Variants in BMP1 observed in about 807,000 individuals in gnomAD.
The protein encoded by BMP1 is mammalian tolloid protein.
In BMP1, 63 loss-of-function variants were observed where a neutral mutation model predicts 116.8. The observed-to-expected ratio is 0.54, with a 90% CI of 0.44 to 0.67. The LOEUF (loss-of-function observed/expected upper bound fraction) is 0.67. BMP1 is among the 30% of genes least tolerant of loss of function. BMP1 has a pLI of 0.00. For synonymous variants in BMP1, 536 were observed against 533.4 expected (o/e 1.00, Z -0.07); for missense variants, 1,183 against 1,358.9 (o/e 0.87, Z 2.04).
intron 8 of BMP1, among the ~76,000 whole-genome samples, chr8:22,187,156 A>G (rs1354733684): frequency 6.6e-6 from 1 of 151,658 alleles, no homozygotes; most frequent in African/African-American, 2.4e-5. Flanking sequence ...ACACCCGGCT[A>G]ATTTTTATAT....
chr8:22,211,356 C>T (rs1829459099), intron 19 of BMP1, among the ~76,000 whole-genome samples: 2 of 152,212 alleles, frequency 1.3e-5, no homozygotes. Flanking sequence ...GACTACACAA[C>T]TCATTTAGTA....
At position 22,196,818 on chromosome 8, in the gene BMP1, T is replaced by C. The variant is rs1829107093; in HGVS notation, c.1904T>C (p.Phe635Ser). The C allele has an allele frequency of 6.2e-7, 1 of 1,613,630 alleles. No homozygotes were observed. Among genetic ancestry groups the C allele is most frequent in the African/African-American group, 1.3e-5 (1 of 74,842 alleles). Residue 635 changes from phenylalanine to serine, a missense_variant, in exon 14 of 20, where the codon TTC (phenylalanine) becomes TCC (serine). Coordinates refer to ENST00000306385, the MANE Select transcript of BMP1 (RefSeq NM_006129.5). ...TACCGCATCTCCCTGCAGTTTGACT[T>C]CTTTGAGACAGAGGGCAATGATGTA... ...TQYRISLQFD[F>S]FETEGNDVCK... is the part of the protein sequence containing the mutation.
rs1828538840 is a variant in BMP1 at position 22,179,106 on chromosome 8, A to G, written c.837-599A>G. On this transcript the variant is annotated intron_variant, in intron 6 of 19. Coordinates refer to ENST00000306385, the MANE Select transcript of BMP1 (RefSeq NM_006129.5). The surrounding 1 kb of genome is among the most constrained non-coding windows in gnomAD (Gnocchi z 4.6). ...GCCTCCCCTTCACTCTGCTCCTCCC[A>G]GTGCAAACACCCAGGATTCAGCAGG... Among the ~76,000 whole-genome samples the G allele has an allele frequency of 6.6e-6, 1 of 152,148 alleles. No individual in the cohort carries two copies. Among genetic ancestry groups the G allele is most frequent in the Non-Finnish European group, 1.5e-5 (1 of 68,016 alleles).
chr8:22,173,663 G>T lies in BMP1; in HGVS notation c.210G>T (p.Gln70His), dbSNP rs748760901. 1 of 1,613,836 alleles carries T rather than the reference G, an allele frequency of 6.2e-7. No homozygotes were observed. Among genetic ancestry groups the T allele is most frequent in the Non-Finnish European group, 8.5e-7 (1 of 1,179,822 alleles). Residue 70 changes from glutamine to histidine, a missense_variant, in exon 2 of 20, where the codon CAG becomes CAT. By Grantham distance (24) the Gln-to-His change is conservative. This residue lies in a region of BMP1 where 185 missense variants were observed against 158.9 expected (regional missense o/e 1.16). Transcript: ENST00000306385. ...EEDLRAFQVQ[Q>H]AVDLRRHTAR... ...ACCTGAGGGCCTTCCAGGTACAGCA[G>T]GCTGTGGATCTCAGACGGCACACAG...
At chr8:22,176,714 C>T (rs1013482026) in intron 4 of BMP1, 64 bp downstream of exon 4, 8 of 1,528,814 alleles carry the variant, frequency 5.2e-6, no homozygotes, top group African/African-American at 4.1e-5. Flanking sequence ...CTGCCCTGGG[C>T]CCTGCCACTG....
In BMP1 at chr8:22,201,973, G is replaced by T. The variant is rs747310506; in HGVS notation, c.2233+45G>T. The T allele has an allele frequency of 5.1e-6, 8 of 1,576,854 alleles. No homozygotes were observed. In the East Asian group the frequency reaches 1.6e-4, roughly 31 times the overall value. Reference sequence around the variant, plus strand: ...GGCATCTGGGCTTGAAGGACCTGCTGCTGGGAGTGGAAGCCCAGAGGATCA... The same window carrying T: ...GGCATCTGGGCTTGAAGGACCTGCTTCTGGGAGTGGAAGCCCAGAGGATCA... On this transcript the variant is annotated intron_variant, in intron 16 of 19. Transcript: ENST00000306385.
At chr8:22,165,897 G>GTGTGTGTC (rs1554477783) in intron 1 of BMP1, among the ~76,000 whole-genome samples, 1 of 121,536 alleles carries the variant, frequency 8.2e-6, no homozygotes, top group Non-Finnish European at 2.0e-5. Context: ...GTGTGTGTGT[G>GTGTGTGTC]TGTGTGTGTG....
chr8:22,201,466 T>C (rs909603468), intron 15 of BMP1: 21 of 1,403,358 alleles, frequency 1.5e-5, no homozygotes, highest in Admixed American at 3.2e-5. Flanking sequence ...CCCTGCGTCC[T>C]GCTCCTTTCT....
chr8:22,210,192 G>A (rs910470864), intron 19 of BMP1, among the ~76,000 whole-genome samples: 1 of 152,200 alleles, frequency 6.6e-6, no homozygotes, highest in Non-Finnish European at 1.5e-5. Flanking sequence ...TTGTCCCAAA[G>A]CTCTTGCTGC....
chr8:22,199,203 C>A (rs550765020), intron 15 of BMP1: 1 of 1,367,510 alleles, frequency 7.3e-7, no homozygotes, highest in African/African-American at 1.5e-5. Flanking sequence ...GCAGAGGACC[C>A]CCACTGGGGG....
At chr8:22,169,114 G>C (rs866078734) in intron 1 of BMP1, among the ~76,000 whole-genome samples, 1 of 151,602 alleles carries the variant, frequency 6.6e-6, no homozygotes, top group Non-Finnish European at 1.5e-5. Context: ...CTGAGTCCAG[G>C]AGCTGGAGGC....
chr8:22,201,862 G>A lies in BMP1; in HGVS notation c.2167G>A (p.Gly723Ser), dbSNP rs371330807. ...GCQQDCVNTFGSYECQCRSGF... is the reference protein window; with the variant it reads ...GCQQDCVNTFSSYECQCRSGF... ...CCAGCAGGACTGCGTCAACACGTTCGGCAGTTATGAGTGCCAATGCCGCAG... is the reference window on the plus strand; with the variant it reads ...CCAGCAGGACTGCGTCAACACGTTCAGCAGTTATGAGTGCCAATGCCGCAG... The change falls in exon 16 of 20, where the codon GGC becomes AGC. Residue 723 changes from glycine to serine, a missense_variant. Gly to Ser is a moderately conservative substitution (Grantham distance 56). Around this residue, in one of 4 missense-constraint regions of BMP1, gnomAD observed 956 missense variants for 1,135.2 expected, o/e 0.84. Transcript: ENST00000306385. 23 of 1,613,664 alleles carry A rather than the reference G, an allele frequency of 1.4e-5. No individual in the cohort carries two copies. In the African/African-American group the frequency reaches 1.6e-4, roughly 11 times the overall value.
chr8:22,205,316 C>T (rs1306549819), intron 16 of BMP1, among the ~76,000 whole-genome samples: 1 of 152,138 alleles, frequency 6.6e-6, no homozygotes, highest in Non-Finnish European at 1.5e-5. Flanking sequence ...GAGGCTGGAG[C>T]CACAGGTGGA....
chr8:22,190,719 G>C (rs1248297367), intron 8 of BMP1, among the ~76,000 whole-genome samples: 4 of 152,222 alleles, frequency 2.6e-5, no homozygotes, highest in African/African-American at 9.6e-5. Flanking sequence ...TCCCCGACTA[G>C]CATTGATGCT....
chr8:22,206,969 C>G lies in BMP1; in HGVS notation c.2349C>G (p.His783Gln). The G allele has an allele frequency of 6.2e-7, 1 of 1,614,200 alleles. No individual in the cohort carries two copies. The highest frequency in any genetic ancestry group is 8.5e-7 in the Non-Finnish European group (1 of 1,180,016). Residue 783 changes from histidine to glutamine, a missense_variant, in exon 17 of 20, where the codon CAC (histidine) becomes CAG (glutamine). By Grantham distance (24) the His-to-Gln change is conservative. Coordinates refer to ENST00000306385, the MANE Select transcript of BMP1 (RefSeq NM_006129.5). ...CTWAISSTPG[H>Q]RVKLTFMEMD... is the part of the protein sequence containing the mutation. ...GGGCCATCTCCAGCACCCCCGGGCA[C>G]CGGGTCAAGCTGGTAAGGGGTCCCC... is the stretch of plus-strand genomic sequence containing the variant.
chr8:22,189,433 TACACACACACACACAC>T (rs10672713), intron 8 of BMP1, among the ~76,000 whole-genome samples: 1 of 141,380 alleles, frequency 7.1e-6, no homozygotes, highest in African/African-American at 2.6e-5. Context: ...TTGATGGAGA[TACACACACACACACAC>T]ACACACACAC....
rs372077043 is a variant in BMP1, at chr8:22,207,482, C to G, written c.2541C>G (p.Val847=). 5 of 1,613,816 alleles carry G rather than the reference C, an allele frequency of 3.1e-6. No individual in the cohort carries two copies. In the African/African-American group the frequency reaches 6.7e-5, roughly 21 times the overall value. The change falls in exon 18 of 20, where the codon GTC becomes GTG. Residue 847 remains valine, a synonymous_variant. Transcript: ENST00000306385. ...TGCGCTTCTACTCAGATAACTCGGT[C>G]CAGCGAAAGGGCTTCCAGGCCTCCC... is the stretch of plus-strand genomic sequence containing the variant. ...MFLRFYSDNS[V]QRKGFQASHA... is the part of the protein sequence containing the mutation.
rs1356471631 is a variant in BMP1, at chr8:22,179,862, G to C, written c.961+33G>C. The stretch of plus-strand genomic sequence containing the variant: ...CAGAGAAGGGATGGGTGAGGGCGTG[G>C]AGGGCAGGGCCTGAGGGAGGCAGAG... On this transcript the variant is annotated intron_variant, in intron 7 of 19. Transcript: ENST00000306385. The surrounding 1 kb of genome is among the most constrained non-coding windows in gnomAD (Gnocchi z 4.6). 2 of 1,598,892 alleles carry C rather than the reference G, an allele frequency of 1.3e-6. No homozygotes were observed. The highest frequency in any genetic ancestry group is 2.2e-5 in the South Asian group (2 of 89,152).
intron 1 of BMP1, 88 bp from the exon 2 acceptor site, chr8:22,173,514 G>T: frequency 1.1e-6 from 1 of 896,984 alleles, no homozygotes; most frequent in Non-Finnish European, 1.7e-6. Flanking sequence ...TTGGGGGCTG[G>T]TGCCCACAGG....
Sources: allele counts gnomAD v4.1 joint callset (sites outside exome capture counted in the v4.1 genomes callset), GRCh38; gene constraint gnomAD v4.1.1; regional missense constraint gnomAD v4.1.1; non-coding constraint Gnocchi (gnomAD v3.1); transcripts MANE v1.5; gene names NCBI Gene and HGNC (gene_info 2026-07-23, HGNC 2026-07-21).